The following EDIL3 variants were observed in gnomAD, a reference collection of about 807,000 sequenced individuals.
EDIL3 encodes the protein EGF-like repeat and discoidin I-like domain-containing protein 3.
EDIL3 carries 37 observed loss-of-function variants against 67.4 expected under a neutral mutation model. That is an observed-to-expected ratio of 0.55 (90% CI 0.42 to 0.72). The LOEUF is 0.72. Ranked by LOEUF, EDIL3 falls within the 30% of genes least tolerant of loss-of-function variation. The probability of loss-of-function intolerance (pLI) is 0.00; values close to 1 mark genes in which losing one functional copy is unlikely to be tolerated. For missense variants in EDIL3, 527 were observed against 586.3 expected, an observed-to-expected ratio of 0.90 and a Z score of 1.04; for synonymous variants, 195 against 196.3, an observed-to-expected ratio of 0.99 and a Z score of 0.05.
At chr5:84,285,801 CAGAT>C (rs1160024027) in intron 1 of EDIL3, among the ~76,000 whole-genome samples, 3 of 152,254 alleles carry the variant, frequency 2.0e-5, no homozygotes, top group Non-Finnish European at 2.9e-5. Context: ...TGGAACGCCT[CAGAT>C]AGAAAGTTCT....
chr5:84,289,372 C>T (rs1229019460), intron 1 of EDIL3, among the ~76,000 whole-genome samples: 1 of 152,158 alleles, frequency 6.6e-6, no homozygotes, highest in East Asian at 1.9e-4. Flanking sequence ...ATATACTGTG[C>T]CTTCTTCCCA....
intron 10 of EDIL3, among the ~76,000 whole-genome samples, chr5:83,962,781 A>G (rs956761767): frequency 6.6e-6 from 1 of 151,632 alleles, no homozygotes; most frequent in African/African-American, 2.4e-5. Context: ...AAATAATTTC[A>G]TTAATCTTTG....
At chr5:84,362,111 A>C (rs1196228338) in intron 1 of EDIL3, among the ~76,000 whole-genome samples, 1 of 152,142 alleles carries the variant, frequency 6.6e-6, no homozygotes, top group Non-Finnish European at 1.5e-5. Flanking sequence ...AATTATAAAC[A>C]TATATTAACA....
intron 1 of EDIL3, among the ~76,000 whole-genome samples, 177 bp from the exon 2 acceptor site, chr5:84,254,389 A>G (rs1440360992): frequency 6.6e-6 from 1 of 152,182 alleles, no homozygotes; most frequent in African/African-American, 2.4e-5. Context: ...AAAAAATACT[A>G]TGTAACATGG....
At chr5:84,376,356 A>G (rs1411446431) in intron 1 of EDIL3, among the ~76,000 whole-genome samples, 1 of 152,230 alleles carries the variant, frequency 6.6e-6, no homozygotes, top group African/African-American at 2.4e-5. Flanking sequence ...ATAAAAACAC[A>G]AAATGATGCC....
chr5:84,018,003 T>C (rs1745639823), intron 9 of EDIL3, among the ~76,000 whole-genome samples: 1 of 152,190 alleles, frequency 6.6e-6, no homozygotes, highest in African/African-American at 2.4e-5. Context: ...TGAGTCATCA[T>C]GGACATGACC....
intron 6 of EDIL3, among the ~76,000 whole-genome samples, chr5:84,090,453 T>G (rs1032657032): frequency 6.6e-6 from 1 of 152,160 alleles, no homozygotes; most frequent in Non-Finnish European, 1.5e-5. Context: ...ATTTCTACAT[T>G]TTCTCGGGAT....
At chr5:84,321,585 C>G (rs1466486714) in intron 1 of EDIL3, among the ~76,000 whole-genome samples, 1 of 152,116 alleles carries the variant, frequency 6.6e-6, no homozygotes, top group Non-Finnish European at 1.5e-5. Flanking sequence ...ATTCTCAACC[C>G]TCATCCTTCT....
At chr5:84,009,887 C>T (rs925286496) in intron 9 of EDIL3, among the ~76,000 whole-genome samples, 2 of 152,184 alleles carry the variant, frequency 1.3e-5, no homozygotes, top group Non-Finnish European at 2.9e-5. Context: ...CATCCCTGTC[C>T]CTGTCCCAGA....
intron 4 of EDIL3, among the ~76,000 whole-genome samples, chr5:84,137,590 T>TA (rs1561442422): frequency 6.6e-6 from 1 of 152,168 alleles, no homozygotes; most frequent in African/African-American, 2.4e-5. Flanking sequence ...CCAATGGAAC[T>TA]AAACCACTCT....
At chr5:83,964,185 C>A (rs1247190750) in intron 9 of EDIL3, among the ~76,000 whole-genome samples, 1 of 151,828 alleles carries the variant, frequency 6.6e-6, no homozygotes, top group Non-Finnish European at 1.5e-5. Context: ...TAGAATAGTT[C>A]GGTATTTTCC....
intron 4 of EDIL3, among the ~76,000 whole-genome samples, chr5:84,161,151 C>T (rs1038494834): frequency 6.6e-6 from 1 of 151,980 alleles, no homozygotes; most frequent in African/African-American, 2.4e-5. Flanking sequence ...ACCATCCAGG[C>T]TGTTGTGAAT....
intron 1 of EDIL3, among the ~76,000 whole-genome samples, chr5:84,289,485 A>C (rs1322517650): frequency 6.6e-6 from 1 of 152,140 alleles, no homozygotes; most frequent in Non-Finnish European, 1.5e-5. Flanking sequence ...GCATTGATAA[A>C]TGCTCAAATC....
At chr5:84,382,286 T>C (rs1748093297) in intron 1 of EDIL3, among the ~76,000 whole-genome samples, 2 of 152,164 alleles carry the variant, frequency 1.3e-5, no homozygotes, top group Admixed American at 1.3e-4. Flanking sequence ...AACATCTCCA[T>C]GGTTGGCTTG....
chr5:83,986,326 G>A (rs1473505903), intron 9 of EDIL3, among the ~76,000 whole-genome samples: 2 of 152,034 alleles, frequency 1.3e-5, no homozygotes, highest in Admixed American at 6.6e-5. Context: ...GCTTTATGGT[G>A]TAGAACTAAA....
At chr5:83,984,892 C>T (rs576462944) in intron 9 of EDIL3, among the ~76,000 whole-genome samples, 2 of 151,842 alleles carry the variant, frequency 1.3e-5, no homozygotes, top group African/African-American at 2.4e-5. Flanking sequence ...ATGTATAATA[C>T]ATTATAGCAT....
chr5:83,997,251 A>T (rs1169232645), intron 9 of EDIL3, among the ~76,000 whole-genome samples: 3 of 152,208 alleles, frequency 2.0e-5, no homozygotes, highest in Non-Finnish European at 4.4e-5. Flanking sequence ...TTTTAGTAAG[A>T]TTAACTGCTA....
chr5:84,230,481 C>T (rs752633495), intron 2 of EDIL3, among the ~76,000 whole-genome samples: 2 of 151,602 alleles, frequency 1.3e-5, no homozygotes, highest in Non-Finnish European at 2.9e-5. Context: ...AATCTCGGCT[C>T]ACTGCAACCT....
chr5:83,966,556 TAA>T (rs779550794), intron 9 of EDIL3, among the ~76,000 whole-genome samples: 11 of 152,188 alleles, frequency 7.2e-5, no homozygotes, highest in Non-Finnish European at 1.6e-4. Context: ...AATTTGATGC[TAA>T]GAGTCAGCCT....
Sources: gnomAD v4.1 joint callset for allele counts (sites outside exome capture counted in the v4.1 genomes callset) on GRCh38, gnomAD v4.1.1 for gene constraint, MANE v1.5 for transcripts, NCBI Gene and HGNC (gene_info 2026-07-23, HGNC 2026-07-21) for gene names.